The following LOC122455340 variants were observed in gnomAD, a reference collection of about 807,000 sequenced individuals.
At chr12:53,242,312 T>A in the LOC122455340 span, 12 of 398,720 alleles carry the variant, frequency 3.0e-5, no homozygotes, top group Non-Finnish European at 4.4e-5. Context: ...TGAGCTCCCG[T>A]TTAGGCTGCA....
At chr12:53,241,967 G>A in the LOC122455340 span, 1 of 399,044 alleles carries the variant, frequency 2.5e-6, no homozygotes. Flanking sequence ...GGAATAAGAA[G>A]CCTGCCCACC....
chr12:53,242,202 C>T, the LOC122455340 span: 1 of 400,480 alleles, frequency 2.5e-6, no homozygotes, highest in Non-Finnish European at 4.4e-6. Context: ...CTTGACTTGT[C>T]CCCATAACTC....
At chr12:53,242,424 C>T in the LOC122455340 span, 83 of 395,712 alleles carry the variant, frequency 2.1e-4, no homozygotes, top group East Asian at 2.3e-3. Flanking sequence ...TTCTCGGGGG[C>T]GCTGTCTGAT....
At chr12:53,242,310 C>T in the LOC122455340 span, 265 of 398,790 alleles carry the variant, frequency 6.6e-4, 2 homozygotes, top group African/African-American at 4.7e-3. Flanking sequence ...TTTGAGCTCC[C>T]GTTTAGGCTG....
chr12:53,241,963 A>G, the LOC122455340 span: 1 of 399,012 alleles, frequency 2.5e-6, no homozygotes, highest in Non-Finnish European at 4.4e-6. Flanking sequence ...CCTAGGAATA[A>G]GAAGCCTGCC....
At chr12:53,242,490 T>C in the LOC122455340 span, 2 of 398,124 alleles carry the variant, frequency 5.0e-6, no homozygotes, top group South Asian at 1.3e-4. Context: ...AGCACTTCCG[T>C]ACTGCTGCCC....
At chr12:53,242,381 C>T in the LOC122455340 span, 2 of 397,058 alleles carry the variant, frequency 5.0e-6, no homozygotes, top group Non-Finnish European at 4.4e-6. Flanking sequence ...CCCTTGGCTG[C>T]TGTAGCTGCT....
chr12:53,241,959 A>C, the LOC122455340 span: 2 of 398,842 alleles, frequency 5.0e-6, no homozygotes, highest in Non-Finnish European at 8.8e-6. Flanking sequence ...GGGGCCTAGG[A>C]ATAAGAAGCC....
the LOC122455340 span, chr12:53,242,604 G>T: frequency 7.6e-6 from 3 of 395,540 alleles, no homozygotes. Flanking sequence ...AGAGGTGGCA[G>T]GGGGAATCTG....
At chr12:53,242,549 C>G in the LOC122455340 span, 1 of 397,220 alleles carries the variant, frequency 2.5e-6, no homozygotes, top group African/African-American at 2.1e-5. Flanking sequence ...TCAGCTGGAC[C>G]CCTCCCTCAA....
the LOC122455340 span, chr12:53,242,420 G>A: frequency 7.5e-6 from 3 of 397,728 alleles, no homozygotes; most frequent in Non-Finnish European, 1.3e-5. Context: ...GCACTTCTCG[G>A]GGGCGCTGTC....
chr12:53,242,167 GC>G, the LOC122455340 span: 1 of 400,754 alleles, frequency 2.5e-6, no homozygotes, highest in Non-Finnish European at 4.4e-6. Flanking sequence ...ACCTGCTCTT[GC>G]CCCCGCTGCC....
At chr12:53,242,683 G>A in the LOC122455340 span, 1 of 353,300 alleles carries the variant, frequency 2.8e-6, no homozygotes, top group Non-Finnish European at 5.1e-6. Flanking sequence ...CTCTGGAATG[G>A]AAGGTGTTCT....
At chr12:53,241,989 G>C in the LOC122455340 span, 1 of 399,182 alleles carries the variant, frequency 2.5e-6, no homozygotes, top group Non-Finnish European at 4.4e-6. Flanking sequence ...AGAGCCTCCT[G>C]CCTGCTCCAG....
At chr12:53,242,409 C>A in the LOC122455340 span, 1 of 397,576 alleles carries the variant, frequency 2.5e-6, no homozygotes. Flanking sequence ...GGGACAACAA[C>A]GCACTTCTCG....
the LOC122455340 span, chr12:53,242,348 G>T: frequency 5.0e-6 from 2 of 398,028 alleles, no homozygotes; most frequent in African/African-American, 4.1e-5. Flanking sequence ...GTGGCCAAGG[G>T]GCTGCCTGGG....
At chr12:53,242,512 C>CAGG in the LOC122455340 span, 4 of 398,158 alleles carry the variant, frequency 1.0e-5, no homozygotes. Context: ...GGCAAGGAGG[C>CAGG]AGGAGCTGGG....
the LOC122455340 span, chr12:53,241,941 C>G: frequency 2.5e-6 from 1 of 399,160 alleles, no homozygotes; most frequent in African/African-American, 2.1e-5. Flanking sequence ...CTCTCTGGGC[C>G]TACGCTTGGG....
the LOC122455340 span, chr12:53,242,036 T>C: frequency 2.5e-6 from 1 of 399,676 alleles, no homozygotes; most frequent in Non-Finnish European, 4.4e-6. Flanking sequence ...GTCTGTCCTG[T>C]CCCCCATCTG....
Sources: allele counts gnomAD v4.1 joint callset, GRCh38; gene constraint gnomAD v4.1.1; transcripts MANE v1.5.